ADAM22: variants seen among roughly 807,000 people sequenced by gnomAD.
ADAM22 encodes disintegrin and metalloproteinase domain-containing protein 22.
A neutral mutation model predicts 144.6 loss-of-function variants in ADAM22; 65 were observed. The ratio of observed to expected loss-of-function variants is 0.45; its 90% CI spans 0.37 to 0.55. The LOEUF (loss-of-function observed/expected upper bound fraction) is 0.55. ADAM22 is among the 20% of genes least tolerant of loss of function. ADAM22 has a pLI of 0.00. For missense variants in ADAM22, 974 were observed against 1,184.9 expected, an observed-to-expected ratio of 0.82 and a Z score of 2.61; for synonymous variants, 391 against 412.6, an observed-to-expected ratio of 0.95 and a Z score of 0.63.
chr7:88,090,529 A>C (rs1020006842), intron 4 of ADAM22, among the ~76,000 whole-genome samples: 5 of 152,218 alleles, frequency 3.3e-5, no homozygotes, highest in African/African-American at 1.2e-4. Context: ...AATGACTTTA[A>C]AAATATTTAT....
intron 3 of ADAM22, among the ~76,000 whole-genome samples, chr7:88,014,940 G>A (rs1436660559): frequency 2.0e-5 from 3 of 151,802 alleles, no homozygotes; most frequent in African/African-American, 7.3e-5. Flanking sequence ...GAGGAAGCCT[G>A]GGAATCCACA....
rs142106697 is a variant in ADAM22 at position 87,966,459 on chromosome 7, A to C, written c.247-11877A>C. ...AGTTAATGGCCAAGATGATGGAGAG[A>C]CTGATTTATCAGAAGATAGCTGAAG... On this transcript the variant is annotated intron_variant, in intron 2 of 31. Coordinates refer to ENST00000413139, the MANE Select transcript of ADAM22 (RefSeq NM_001324418.2). Among the ~76,000 whole-genome samples the C allele has an allele frequency of 4.7e-4, 72 of 152,266 alleles. 1 individual carries two copies. The East Asian group carries it at 0.011, about 22-fold the overall frequency.
chr7:88,170,778 A>C (rs1256171694), intron 25 of ADAM22, among the ~76,000 whole-genome samples: 1 of 151,990 alleles, frequency 6.6e-6, no homozygotes, highest in Non-Finnish European at 1.5e-5. Context: ...GTGTCTCCAA[A>C]ATATTAACAC....
At chr7:88,012,306 A>T (rs551716090) in intron 3 of ADAM22, among the ~76,000 whole-genome samples, 5 of 152,088 alleles carry the variant, frequency 3.3e-5, no homozygotes, top group Admixed American at 2.0e-4. Flanking sequence ...AAATTCCCTG[A>T]TAGTTCCAAA....
intron 22 of ADAM22, among the ~76,000 whole-genome samples, chr7:88,156,630 A>T (rs1840018219): frequency 6.6e-6 from 1 of 152,008 alleles, no homozygotes; most frequent in African/African-American, 2.4e-5. Context: ...GGGCTGAAAT[A>T]CAGAAAATAG....
At chr7:88,081,462 T>C (rs992284279) in intron 4 of ADAM22, among the ~76,000 whole-genome samples, 3 of 152,118 alleles carry the variant, frequency 2.0e-5, no homozygotes, top group African/African-American at 7.2e-5. Flanking sequence ...ACCACTCCTA[T>C]TCAACATAGT....
chr7:88,047,635 C>T (rs1359375517), intron 3 of ADAM22, among the ~76,000 whole-genome samples: 1 of 151,890 alleles, frequency 6.6e-6, no homozygotes, highest in Admixed American at 6.6e-5. Flanking sequence ...TTGTTATGTA[C>T]CATGAACTGT....
chr7:88,122,558 C>T (rs1009356177), intron 7 of ADAM22, among the ~76,000 whole-genome samples: 1 of 152,120 alleles, frequency 6.6e-6, no homozygotes, highest in Non-Finnish European at 1.5e-5. Context: ...CATTTCATCC[C>T]GTTATAGCAT....
chr7:87,949,802 A>G (rs1844601408), intron 2 of ADAM22, among the ~76,000 whole-genome samples: 1 of 150,448 alleles, frequency 6.6e-6, no homozygotes, highest in South Asian at 2.1e-4. Flanking sequence ...TAAAATATTC[A>G]TATTATTTAA....
intron 3 of ADAM22, among the ~76,000 whole-genome samples, chr7:88,047,622 T>A (rs1472394282): frequency 6.6e-6 from 1 of 152,220 alleles, no homozygotes; most frequent in Non-Finnish European, 1.5e-5. Flanking sequence ...AAAAAATGAT[T>A]TTTTGTTATG....
At chr7:88,080,354 G>C (rs990104783) in intron 4 of ADAM22, among the ~76,000 whole-genome samples, 5 of 152,118 alleles carry the variant, frequency 3.3e-5, no homozygotes, top group Non-Finnish European at 5.9e-5. Flanking sequence ...GCAGTGTGTA[G>C]AGGGAAATTT....
At chr7:88,082,734 A>G (rs1252841576) in intron 4 of ADAM22, among the ~76,000 whole-genome samples, 8 of 152,218 alleles carry the variant, frequency 5.3e-5, no homozygotes, top group African/African-American at 1.7e-4. Context: ...AACACATGAA[A>G]AAATGCTCAC....
intron 3 of ADAM22, among the ~76,000 whole-genome samples, chr7:88,031,493 G>T (rs746629726): frequency 3.9e-5 from 6 of 152,248 alleles, no homozygotes; most frequent in Non-Finnish European, 8.8e-5. Context: ...CTTTAGCAGA[G>T]ACTGGTGGCA....
intron 3 of ADAM22, among the ~76,000 whole-genome samples, chr7:88,035,751 A>G (rs1339190225): frequency 2.0e-5 from 3 of 152,204 alleles, no homozygotes; most frequent in Non-Finnish European, 4.4e-5. Context: ...ATTTTATATA[A>G]CAGACTTGAG....
chr7:88,185,996 C>T (rs1848210891), intron 29 of ADAM22: 1 of 152,590 alleles, frequency 6.6e-6, no homozygotes, highest in Non-Finnish European at 1.5e-5. Context: ...CCTATTTAGA[C>T]CACACAATGT....
chr7:88,171,853 A>G (rs2129534304), intron 26 of ADAM22, among the ~76,000 whole-genome samples: 1 of 151,820 alleles, frequency 6.6e-6, no homozygotes, highest in South Asian at 2.1e-4. Context: ...GATTTTTTCC[A>G]TCTAAAACAA....
chr7:87,941,157 C>T (rs977307952), intron 2 of ADAM22, among the ~76,000 whole-genome samples: 3 of 152,000 alleles, frequency 2.0e-5, no homozygotes, highest in East Asian at 3.9e-4. Context: ...AGTGAATAGA[C>T]GGGCTAACTT....
rs143235088 is a variant in ADAM22 at position 87,956,728 on chromosome 7, A to T, written c.246+21542A>T. On this transcript the variant is annotated intron_variant, in intron 2 of 31. Transcript: ENST00000413139. The stretch of plus-strand genomic sequence containing the variant: ...CAGTCTTTTGTGACTGGCTTTTTTC[A>T]CTTATCATAATGTTTTCCAGTTTCA... Among the ~76,000 whole-genome samples the T allele has an allele frequency of 5.3e-3, 812 of 152,132 alleles. 7 individuals are homozygous for T. Among genetic ancestry groups the T allele is most frequent in the Non-Finnish European group, 8.6e-3 (588 of 68,004 alleles).
At chr7:88,037,771 T>A (rs1365702248) in intron 3 of ADAM22, among the ~76,000 whole-genome samples, 1 of 152,182 alleles carries the variant, frequency 6.6e-6, no homozygotes, top group African/African-American at 2.4e-5. Flanking sequence ...TTCTATACCT[T>A]ATACACACAC....
Sources: allele counts gnomAD v4.1 joint callset (sites outside exome capture counted in the v4.1 genomes callset), GRCh38; gene constraint gnomAD v4.1.1; transcripts MANE v1.5; gene names NCBI Gene and HGNC (gene_info 2026-07-23, HGNC 2026-07-21).